The following CALN1 variants were observed in gnomAD, a reference collection of about 807,000 sequenced individuals.
CALN1 encodes the protein calneuron 1, also known as calcium-binding protein 8.
In CALN1, 17 loss-of-function variants were observed where a neutral mutation model predicts 30.6. The ratio of observed to expected loss-of-function variants is 0.56; its 90% CI spans 0.38 to 0.83. The LOEUF is 0.83. CALN1 is among the 40% of genes least tolerant of loss of function. CALN1 has a pLI of 0.00. For missense variants in CALN1, 291 were observed against 354.9 expected, an observed-to-expected ratio of 0.82 and a Z score of 1.45; for synonymous variants, 156 against 131.4, an observed-to-expected ratio of 1.19 and a Z score of -1.28.
chr7:72,242,926 C>T (rs1794932128), intron 3 of CALN1, among the ~76,000 whole-genome samples: 1 of 152,028 alleles, frequency 6.6e-6, no homozygotes, highest in Non-Finnish European at 1.5e-5. Context: ...AATTAACTGG[C>T]TTTTAATTAT....
At chr7:71,875,984 C>T (rs1792221613) in intron 5 of CALN1, among the ~76,000 whole-genome samples, 1 of 152,168 alleles carries the variant, frequency 6.6e-6, no homozygotes, top group African/African-American at 2.4e-5. Context: ...ACCCCAACCT[C>T]CACAGAAACC....
At chr7:72,366,090 T>C (rs1371447575) in intron 2 of CALN1, among the ~76,000 whole-genome samples, 1 of 152,166 alleles carries the variant, frequency 6.6e-6, no homozygotes, top group African/African-American at 2.4e-5. Context: ...ACAAGAAATG[T>C]CTATTGATGA....
intron 3 of CALN1, among the ~76,000 whole-genome samples, chr7:72,262,619 T>C (rs942588796): frequency 1.3e-5 from 2 of 152,236 alleles, no homozygotes; most frequent in Non-Finnish European, 2.9e-5. Context: ...GTTTTCTGTT[T>C]CTGCATTAAT....
chr7:72,014,380 A>C (rs844707), intron 5 of CALN1, among the ~76,000 whole-genome samples: 44,048 of 151,754 alleles, frequency 0.29, 10,111 homozygotes, highest in African/African-American at 0.64. Context: ...AGCCACTGCA[A>C]CCAGCTGAGT....
chr7:72,278,472 TACACACACACACACACACAC>T (rs59010102), intron 3 of CALN1, among the ~76,000 whole-genome samples, 194 bp downstream of exon 3: 1 of 143,980 alleles, frequency 6.9e-6, no homozygotes, highest in Non-Finnish European at 1.5e-5. Context: ...ATCAGGTCTG[TACACACACACACACACACAC>T]ACACACACAC....
intron 5 of CALN1, among the ~76,000 whole-genome samples, chr7:71,866,800 G>T (rs1791612496): frequency 6.6e-6 from 1 of 152,108 alleles, no homozygotes; most frequent in African/African-American, 2.4e-5. Flanking sequence ...GGGGAGAAAG[G>T]TCTGTTATTT....
At chr7:72,255,928 C>T (rs1466241904) in intron 3 of CALN1, among the ~76,000 whole-genome samples, 1 of 152,004 alleles carries the variant, frequency 6.6e-6, no homozygotes, top group Non-Finnish European at 1.5e-5. Context: ...TGAGGTTTCA[C>T]CATGTTGGTC....
chr7:72,365,404 T>C (rs1162705562), intron 2 of CALN1, among the ~76,000 whole-genome samples: 2 of 152,056 alleles, frequency 1.3e-5, no homozygotes, highest in South Asian at 4.1e-4. Flanking sequence ...AAAACAACAA[T>C]AAACAACTAG....
intron 5 of CALN1, among the ~76,000 whole-genome samples, chr7:71,976,322 C>T (rs919394631): frequency 5.3e-5 from 8 of 152,256 alleles, no homozygotes; most frequent in South Asian, 4.1e-4. Context: ...GATAGCTGGA[C>T]GTGACCTTCC....
At chr7:72,263,558 GCTAA>G (rs879563554) in intron 3 of CALN1, among the ~76,000 whole-genome samples, 10 of 151,986 alleles carry the variant, frequency 6.6e-5, no homozygotes, top group East Asian at 1.9e-4. Flanking sequence ...ACCATGCCTG[GCTAA>G]CTTTTTAATT....
intron 5 of CALN1, among the ~76,000 whole-genome samples, chr7:71,975,852 CATG>C (rs1798075823): frequency 6.6e-6 from 1 of 151,222 alleles, no homozygotes; most frequent in Admixed American, 6.6e-5. Flanking sequence ...ATCCTCTTTT[CATG>C]ATACCAGTTT....
At chr7:72,033,499 G>A (rs1300979184) in intron 4 of CALN1, among the ~76,000 whole-genome samples, 1 of 150,980 alleles carries the variant, frequency 6.6e-6, no homozygotes, top group Non-Finnish European at 1.5e-5. Flanking sequence ...TAAAAGCATT[G>A]TGTTAAGGCA....
intron 4 of CALN1, among the ~76,000 whole-genome samples, chr7:72,095,218 T>C (rs993392274): frequency 2.0e-5 from 3 of 152,188 alleles, no homozygotes; most frequent in East Asian, 1.9e-4. Flanking sequence ...TTAGCACCTA[T>C]GGCTTTTGTG....
intron 3 of CALN1, among the ~76,000 whole-genome samples, chr7:72,146,516 C>A (rs890298320): frequency 1.3e-5 from 2 of 152,116 alleles, no homozygotes; most frequent in Non-Finnish European, 2.9e-5. Context: ...TAGGAAGAAT[C>A]AATATCGTGA....
intron 5 of CALN1, among the ~76,000 whole-genome samples, chr7:71,948,132 C>T (rs1473458521): frequency 6.6e-6 from 1 of 151,966 alleles, no homozygotes; most frequent in African/African-American, 2.4e-5. Flanking sequence ...TGAGCCAGCA[C>T]CCCTGAGGAA....
In CALN1 at chr7:72,148,300, T is replaced by C. The variant is rs1021236579; in HGVS notation, c.245-42006A>G. 7.5e-5 allele frequency among the ~76,000 whole-genome samples: 11 copies of C among 147,650 alleles called. No individual in the cohort carries two copies. In the East Asian group the frequency reaches 1.6e-3, roughly 21 times the overall value. On this transcript the variant is annotated intron_variant, in intron 3 of 6. Transcript: ENST00000395275. ...AAAAAAAAGTCTGGGCCAGGTGCAG[T>C]GGCTCACTTGTAATCCCAGCACTTT...
chr7:71,889,964 C>T (rs1020875754), intron 5 of CALN1, among the ~76,000 whole-genome samples: 7 of 126,446 alleles, frequency 5.5e-5, no homozygotes, highest in Non-Finnish European at 6.3e-5. Context: ...GACTCTGTCT[C>T]GGAAAAAAAA....
chr7:72,360,958 C>G (rs1209205249), intron 2 of CALN1, among the ~76,000 whole-genome samples: 6 of 151,946 alleles, frequency 3.9e-5, no homozygotes, highest in Non-Finnish European at 7.4e-5. Context: ...AACTCCTGAC[C>G]TCAAGTGATC....
At chr7:72,465,227 T>C in the CALN1 span, among the ~76,000 whole-genome samples, 1 of 152,182 alleles carries the variant, frequency 6.6e-6, no homozygotes, top group Admixed American at 6.5e-5. Context: ...CATCACCTCA[T>C]CCGAGAAGTC....
Sources: gnomAD v4.1 joint callset for allele counts (sites outside exome capture counted in the v4.1 genomes callset) on GRCh38, gnomAD v4.1.1 for gene constraint, MANE v1.5 for transcripts, NCBI Gene and HGNC (gene_info 2026-07-23, HGNC 2026-07-21) for gene names.